The following GLIS3 variants were observed in gnomAD, a reference collection of about 807,000 sequenced individuals.
The protein encoded by GLIS3 is GLIS family zinc finger 3.
Under a neutral mutation model 78.6 loss-of-function variants are expected in GLIS3, and 53 were observed. The observed-to-expected ratio is 0.67, with a 90% confidence interval of 0.54 to 0.85. The LOEUF is 0.85. Ranked by LOEUF, GLIS3 falls within the 40% of genes least tolerant of loss-of-function variation. The pLI is 0.00. For missense variants in GLIS3, 1,703 were observed against 1,231.1 expected, an observed-to-expected ratio of 1.38 and a Z score of -5.74; for synonymous variants, 684 against 509.9, an observed-to-expected ratio of 1.34 and a Z score of -4.60.
At chr9:4,221,771 A>G (rs1306496123) in intron 2 of GLIS3, among the ~76,000 whole-genome samples, 2 of 152,250 alleles carry the variant, frequency 1.3e-5, no homozygotes, top group East Asian at 1.9e-4. Context: ...TGTGCCTCCA[A>G]TGAAAGAAAG....
intron 4 of GLIS3, among the ~76,000 whole-genome samples, chr9:4,001,092 G>A (rs1000926983): frequency 1.3e-5 from 2 of 152,114 alleles, no homozygotes; most frequent in Non-Finnish European, 2.9e-5. Context: ...AATTTACCAC[G>A]AGTAAGCCCT....
At chr9:4,197,462 C>A (rs1818973001) in intron 2 of GLIS3, among the ~76,000 whole-genome samples, 1 of 152,090 alleles carries the variant, frequency 6.6e-6, no homozygotes, top group Admixed American at 6.5e-5. Context: ...TGCCCCCCTG[C>A]CCCCACCCCC....
the GLIS3 span, among the ~76,000 whole-genome samples, chr9:4,477,560 G>A: frequency 2.6e-5 from 4 of 152,120 alleles, no homozygotes; most frequent in South Asian, 2.1e-4. Flanking sequence ...GACTGCAGAT[G>A]TGCACACCAC....
chr9:4,254,964 A>G (rs1824777805), intron 2 of GLIS3, among the ~76,000 whole-genome samples: 1 of 152,228 alleles, frequency 6.6e-6, no homozygotes, highest in Admixed American at 6.5e-5. Flanking sequence ...AGGACTGTTT[A>G]TTTGTAGTAT....
chr9:4,483,716 G>C, the GLIS3 span, among the ~76,000 whole-genome samples: 18 of 139,642 alleles, frequency 1.3e-4, no homozygotes, highest in Non-Finnish European at 2.1e-4. Flanking sequence ...GTGAGACTTC[G>C]TCTTGGGAAA....
chr9:3,855,604 C>T (rs530575690), intron 9 of GLIS3: 6 of 273,018 alleles, frequency 2.2e-5, no homozygotes, highest in South Asian at 8.2e-5. Context: ...ATTCCACCTG[C>T]GCCTTGAAGG....
intron 4 of GLIS3, among the ~76,000 whole-genome samples, chr9:4,095,806 A>G (rs759017685): frequency 2.6e-5 from 4 of 152,194 alleles, no homozygotes; most frequent in African/African-American, 4.8e-5. Context: ...TAGTTCTCCA[A>G]TACGTCTCTT....
chr9:4,102,208 G>C (rs79096268), intron 4 of GLIS3, among the ~76,000 whole-genome samples: 2,537 of 152,180 alleles, frequency 0.017, 51 homozygotes, highest in Admixed American at 0.059. Context: ...TAAGTACTTG[G>C]AACAGTTTAC....
the GLIS3 span, among the ~76,000 whole-genome samples, chr9:4,487,462 G>C: frequency 6.6e-6 from 1 of 151,926 alleles, no homozygotes; most frequent in Non-Finnish European, 1.5e-5. Context: ...AAAAATTTAA[G>C]CCAGGTGCCC....
chr9:4,373,384 T>C, the GLIS3 span, among the ~76,000 whole-genome samples: 1 of 152,170 alleles, frequency 6.6e-6, no homozygotes, highest in South Asian at 2.1e-4. Context: ...TAATTCAGAA[T>C]CTGGGAGTAG....
At chr9:4,206,873 T>G (rs1309935213) in intron 2 of GLIS3, among the ~76,000 whole-genome samples, 1 of 152,128 alleles carries the variant, frequency 6.6e-6, no homozygotes, top group Non-Finnish European at 1.5e-5. Flanking sequence ...TCAGTGTAGA[T>G]ACTTGGCATA....
At chr9:4,241,718 G>C (rs891006432) in intron 2 of GLIS3, among the ~76,000 whole-genome samples, 4 of 151,928 alleles carry the variant, frequency 2.6e-5, no homozygotes, top group Admixed American at 2.6e-4. Context: ...GCTCTGTCTG[G>C]AATGTCCAGG....
intron 2 of GLIS3, among the ~76,000 whole-genome samples, chr9:4,310,720 C>G (rs1409193711): frequency 6.6e-6 from 1 of 152,094 alleles, no homozygotes; most frequent in Non-Finnish European, 1.5e-5. Context: ...AGCCAATCAC[C>G]CAGGATTACC....
At chr9:3,965,341 G>C (rs768228928) in intron 4 of GLIS3, among the ~76,000 whole-genome samples, 4 of 151,622 alleles carry the variant, frequency 2.6e-5, no homozygotes, top group African/African-American at 4.8e-5. Context: ...CTACAGGCGC[G>C]AGCCACCACT....
intron 2 of GLIS3, among the ~76,000 whole-genome samples, chr9:4,334,591 G>C (rs1335151926): frequency 6.6e-6 from 1 of 152,264 alleles, no homozygotes; most frequent in Non-Finnish European, 1.5e-5. Context: ...CCTGGCAACA[G>C]GTTACCTAGG....
intron 1 of GLIS3, among the ~76,000 whole-genome samples, chr9:4,298,125 G>A (rs573081316): frequency 2.0e-5 from 3 of 152,224 alleles, no homozygotes; most frequent in African/African-American, 4.8e-5. Flanking sequence ...TGAGTGAGTC[G>A]GGGGCCGAAA....
rs531998785 is a variant in GLIS3, at chr9:4,041,545, G to C, written c.1710+76223C>G. On this transcript the variant is annotated intron_variant, in intron 4 of 10. Transcript: ENST00000381971. ...CCATTTTTAGTGTGTGTGTGTCTCT[G>C]TGATGTTATCAGGTGCCTACTTAAT... Among the ~76,000 whole-genome samples the C allele has an allele frequency of 2.6e-5, 4 of 152,308 alleles. No individual in the cohort carries two copies. The East Asian group carries it at 5.8e-4, about 22-fold the overall frequency.
At position 3,956,798 on chromosome 9, in the gene GLIS3, T is replaced by C. The variant is rs565142977; in HGVS notation, c.1711-19609A>G. Among the ~76,000 whole-genome samples the C allele has an allele frequency of 2.6e-5, 4 of 152,372 alleles. No individual in the cohort carries two copies. The South Asian group carries it at 8.3e-4, about 32-fold the overall frequency. ...TTAGTTGACCAGGCTGTAATGACTTTGGATGTTTCATCTTTATCTGGCTTT... is the reference window on the plus strand; with the variant it reads ...TTAGTTGACCAGGCTGTAATGACTTCGGATGTTTCATCTTTATCTGGCTTT... On this transcript the variant is annotated intron_variant, in intron 4 of 10. Transcript: ENST00000381971.
chr9:4,098,245 G>A (rs1329695028), intron 4 of GLIS3, among the ~76,000 whole-genome samples: 1 of 152,112 alleles, frequency 6.6e-6, no homozygotes, highest in Non-Finnish European at 1.5e-5. Flanking sequence ...AGTAATGACT[G>A]CCTTTAAAAA....
Sources: gnomAD v4.1 joint callset for allele counts (sites outside exome capture counted in the v4.1 genomes callset) on GRCh38, gnomAD v4.1.1 for gene constraint, MANE v1.5 for transcripts, NCBI Gene and HGNC (gene_info 2026-07-23, HGNC 2026-07-21) for gene names.